MAST4: variants seen among roughly 807,000 people sequenced by gnomAD.
MAST4 encodes the protein microtubule associated serine/threonine kinase family member 4, also known as microtubule-associated serine/threonine-protein kinase 4.
In MAST4, 89 loss-of-function variants were observed where a neutral mutation model predicts 162.7. That is an observed-to-expected ratio of 0.55 (90% confidence interval 0.46 to 0.65). The LOEUF is 0.65. MAST4 is among the 30% of genes least tolerant of loss of function. The probability of loss-of-function intolerance (pLI) is 0.00; values close to 1 mark genes in which losing one functional copy is unlikely to be tolerated. For missense variants in MAST4, 3,153 were observed against 3,374.0 expected (o/e 0.93, Z 1.62); for synonymous variants, 1,479 against 1,361.1 (o/e 1.09, Z -1.91).
rs148024550 is a variant in MAST4, at chr5:66,613,477, C to T, written c.363+16459C>T. 2.0e-3 allele frequency among the ~76,000 whole-genome samples: 308 copies of T among 152,180 alleles called. 3 individuals carry two copies. The highest frequency in any genetic ancestry group is 7.0e-3 in the African/African-American group (292 of 41,516). ...CAAACACCACTTCTGTCTCCCCTAA[C>T]GTATAGCTGGAAAAACTTCTTCAAG... On this transcript the variant is annotated intron_variant, in intron 1 of 28. Coordinates refer to ENST00000403625, the MANE Select transcript of MAST4 (RefSeq NM_001164664.2).
chr5:66,928,480 G>A (rs1208774822), intron 4 of MAST4, among the ~76,000 whole-genome samples: 2 of 152,164 alleles, frequency 1.3e-5, no homozygotes, highest in African/African-American at 2.4e-5. Context: ...CTCAATCCGG[G>A]CTTTCCTCCA....
chr5:66,752,240 T>C (rs1206346851), intron 1 of MAST4, among the ~76,000 whole-genome samples: 5 of 152,220 alleles, frequency 3.3e-5, no homozygotes, highest in African/African-American at 4.8e-5. Context: ...CATCAACTAA[T>C]GAGCAAAATA....
chr5:66,874,614 A>G (rs1761169518), intron 3 of MAST4, among the ~76,000 whole-genome samples: 1 of 152,162 alleles, frequency 6.6e-6, no homozygotes, highest in African/African-American at 2.4e-5. Context: ...AAACAAACCA[A>G]ACTACCCAAA....
At chr5:66,852,113 T>C (rs1759357501) in intron 3 of MAST4, among the ~76,000 whole-genome samples, 1 of 152,186 alleles carries the variant, frequency 6.6e-6, no homozygotes, top group South Asian at 2.1e-4. Flanking sequence ...TATATAGATA[T>C]ATAAGCTGTA....
At chr5:66,881,350 A>C (rs992361513) in intron 3 of MAST4, among the ~76,000 whole-genome samples, 1 of 152,342 alleles carries the variant, frequency 6.6e-6, no homozygotes, top group Non-Finnish European at 1.5e-5. Context: ...CATTATGGCT[A>C]TTAAGATTTC....
At chr5:66,637,667 C>T (rs1047612791) in intron 1 of MAST4, among the ~76,000 whole-genome samples, 3 of 152,018 alleles carry the variant, frequency 2.0e-5, no homozygotes, top group Non-Finnish European at 4.4e-5. Context: ...TTAAAACTTT[C>T]TTCTGTTACA....
intron 5 of MAST4, among the ~76,000 whole-genome samples, chr5:67,074,413 A>G (rs1204619275): frequency 2.0e-5 from 3 of 152,190 alleles, no homozygotes. Flanking sequence ...AATAGTTCAC[A>G]TGACTTGAAC....
At chr5:66,911,568 CCCCCCCCGCA>C (rs1274288391) in intron 4 of MAST4, among the ~76,000 whole-genome samples, 24 of 81,736 alleles carry the variant, frequency 2.9e-4, no homozygotes, top group African/African-American at 1.2e-3. Flanking sequence ...ACCCCCCCCC[CCCCCCCCGCA>C]AAAAAAAATT....
At chr5:66,915,478 A>C (rs980046756) in intron 4 of MAST4, among the ~76,000 whole-genome samples, 3 of 152,222 alleles carry the variant, frequency 2.0e-5, no homozygotes, top group Non-Finnish European at 4.4e-5. Flanking sequence ...AGTTTAAAAA[A>C]AGAATAGCTT....
chr5:66,745,501 AATG>A (rs1752701583), intron 1 of MAST4, among the ~76,000 whole-genome samples: 1 of 152,234 alleles, frequency 6.6e-6, no homozygotes, highest in Non-Finnish European at 1.5e-5. Context: ...ATCATCGATT[AATG>A]ATCAATATAC....
chr5:66,883,885 T>C (rs1488312311), intron 3 of MAST4, among the ~76,000 whole-genome samples: 1 of 152,244 alleles, frequency 6.6e-6, no homozygotes, highest in Non-Finnish European at 1.5e-5. Flanking sequence ...TTTGTTTCTG[T>C]AGCTCTTGCT....
intron 1 of MAST4, among the ~76,000 whole-genome samples, chr5:66,728,355 T>C (rs576631093): frequency 1.2e-4 from 18 of 152,270 alleles, no homozygotes; most frequent in Admixed American, 7.9e-4. Flanking sequence ...GATACTAAAA[T>C]ACATCCAAGT....
intron 1 of MAST4, among the ~76,000 whole-genome samples, chr5:66,617,751 A>C (rs964681919): frequency 6.6e-6 from 1 of 152,134 alleles, no homozygotes; most frequent in Non-Finnish European, 1.5e-5. Flanking sequence ...ACCCCTCCGC[A>C]TGGTACCCAC....
At chr5:67,049,051 A>ATATATG (rs1561576633) in intron 4 of MAST4, among the ~76,000 whole-genome samples, 7 of 111,368 alleles carry the variant, frequency 6.3e-5, no homozygotes, top group African/African-American at 2.2e-4. Flanking sequence ...ACGTGTATAT[A>ATATATG]TATATATACG....
chr5:66,762,877 C>T (rs1753915991), intron 2 of MAST4, among the ~76,000 whole-genome samples: 2 of 152,322 alleles, frequency 1.3e-5, no homozygotes, highest in Non-Finnish European at 2.9e-5. Context: ...TGATAAGGTT[C>T]ACTAAACTTT....
intron 3 of MAST4, among the ~76,000 whole-genome samples, chr5:66,813,910 T>C (rs1221010896): frequency 6.6e-6 from 1 of 152,212 alleles, no homozygotes; most frequent in East Asian, 1.9e-4. Context: ...TTCAGAATTG[T>C]TTTGTTGGAA....
chr5:67,129,374 T>C (rs1470570556), intron 14 of MAST4, among the ~76,000 whole-genome samples: 1 of 152,152 alleles, frequency 6.6e-6, no homozygotes, highest in Non-Finnish European at 1.5e-5. Flanking sequence ...AGCCAGATAC[T>C]CTAAGAAGCT....
chr5:66,653,947 T>C (rs914154677), intron 1 of MAST4, among the ~76,000 whole-genome samples: 1 of 152,174 alleles, frequency 6.6e-6, no homozygotes, highest in Admixed American at 6.6e-5. Flanking sequence ...CTGAACCACA[T>C]ATGTGTCCCA....
At chr5:66,696,205 G>A (rs978567006) in intron 1 of MAST4, among the ~76,000 whole-genome samples, 9 of 152,152 alleles carry the variant, frequency 5.9e-5, no homozygotes, top group Non-Finnish European at 1.3e-4. Context: ...CTGTTGGGGC[G>A]GAGGGTGGGA....
Sources: allele counts gnomAD v4.1 joint callset (sites outside exome capture counted in the v4.1 genomes callset), GRCh38; gene constraint gnomAD v4.1.1; transcripts MANE v1.5; gene names NCBI Gene and HGNC (gene_info 2026-07-23, HGNC 2026-07-21).